The following TANGO6 variants were observed in gnomAD, a reference collection of about 807,000 sequenced individuals.
The protein encoded by TANGO6 is transport and Golgi organization protein 6 homolog.
A neutral mutation model predicts 114.2 loss-of-function variants in TANGO6; 90 were observed. The observed-to-expected ratio is 0.79, with a 90% CI of 0.66 to 0.94. The LOEUF is 0.94. Ranked by LOEUF, TANGO6 falls within the 40% of genes least tolerant of loss-of-function variation. The pLI is 0.00. For synonymous variants in TANGO6, 477 were observed against 509.8 expected (o/e 0.94, Z 0.87); for missense variants, 1,274 against 1,315.3 (o/e 0.97, Z 0.49).
intron 14 of TANGO6, among the ~76,000 whole-genome samples, chr16:68,956,112 C>T (rs1352478416): frequency 6.6e-5 from 10 of 152,102 alleles, no homozygotes; most frequent in Admixed American, 5.9e-4. Context: ...GATTGCACCA[C>T]TGCACTCCAG....
At chr16:68,928,534 T>C (rs1012900883) in intron 13 of TANGO6, among the ~76,000 whole-genome samples, 12 of 151,976 alleles carry the variant, frequency 7.9e-5, no homozygotes, top group Non-Finnish European at 1.8e-4. Flanking sequence ...TCTCCTGACC[T>C]CGTGATCCAC....
chr16:68,941,423 G>A (rs936404787), intron 14 of TANGO6, among the ~76,000 whole-genome samples: 1 of 151,666 alleles, frequency 6.6e-6, no homozygotes, highest in African/African-American at 2.4e-5. Context: ...TTAGAGTCTT[G>A]GAAATTTGTA....
At chr16:69,032,080 T>C (rs576671888) in intron 16 of TANGO6, among the ~76,000 whole-genome samples, 1 of 152,136 alleles carries the variant, frequency 6.6e-6, no homozygotes, top group Admixed American at 6.6e-5. Flanking sequence ...AGGTGCAGGC[T>C]TCACGTGCTG....
intron 1 of TANGO6, among the ~76,000 whole-genome samples, chr16:68,849,143 T>C (rs1223008527): frequency 2.0e-5 from 3 of 152,160 alleles, no homozygotes; most frequent in Non-Finnish European, 4.4e-5. Flanking sequence ...GAGACCAGCT[T>C]GACCAACATG....
chr16:68,993,150 C>G (rs1385268417), intron 15 of TANGO6, among the ~76,000 whole-genome samples: 1 of 152,070 alleles, frequency 6.6e-6, no homozygotes, highest in African/African-American at 2.4e-5. Context: ...TATTGCAGTT[C>G]TTTTCTAAAA....
At chr16:68,943,612 T>C (rs973774051) in intron 14 of TANGO6, among the ~76,000 whole-genome samples, 1 of 151,514 alleles carries the variant, frequency 6.6e-6, no homozygotes, top group African/African-American at 2.4e-5. Context: ...TGATCTGCCC[T>C]CCTTGGCCTC....
intron 4 of TANGO6, among the ~76,000 whole-genome samples, chr16:68,872,717 A>G (rs1962294384): frequency 6.8e-6 from 1 of 147,236 alleles, no homozygotes; most frequent in African/African-American, 2.5e-5. Flanking sequence ...CGGTGGCGCG[A>G]TCTCAGCTCA....
At position 68,844,271 on chromosome 16, in the gene TANGO6, T is replaced by G. The variant is rs1395079185; in HGVS notation, c.94+560T>G. ...CTAAAATCTGAAGGGATATTGGGAG[T>G]GGTTGAAGCTGCTACTCCTTTTGCG... On this transcript the variant is annotated intron_variant, in intron 1 of 17. Coordinates refer to ENST00000261778, the MANE Select transcript of TANGO6 (RefSeq NM_024562.2). 1.6e-4 allele frequency among the ~76,000 whole-genome samples: 24 copies of G among 151,780 alleles called. 1 individual carries two copies. The highest frequency in any genetic ancestry group is 1.6e-3 in the Admixed American group (24 of 15,212).
chr16:69,022,035 G>A (rs969586609), intron 15 of TANGO6, among the ~76,000 whole-genome samples: 17 of 151,520 alleles, frequency 1.1e-4, no homozygotes, highest in African/African-American at 7.3e-5. Context: ...ACAGGCGCCC[G>A]CCACCACGCC....
At chr16:69,056,208 T>A (rs1055803709) in intron 17 of TANGO6, among the ~76,000 whole-genome samples, 1 of 152,156 alleles carries the variant, frequency 6.6e-6, no homozygotes, top group Non-Finnish European at 1.5e-5. Context: ...TTCTGCAAAA[T>A]CATTTACATA....
At chr16:68,876,118 TAC>T (rs1273361010) in intron 5 of TANGO6, among the ~76,000 whole-genome samples, 2 of 152,164 alleles carry the variant, frequency 1.3e-5, no homozygotes, top group Non-Finnish European at 2.9e-5. Flanking sequence ...TGTATGTGCA[TAC>T]ACACATACAT....
chr16:68,863,174 C>A (rs770203004), intron 3 of TANGO6, 113 bp downstream of exon 3: 6 of 578,258 alleles, frequency 1.0e-5, no homozygotes, highest in African/African-American at 3.8e-5. Context: ...TCTAGTTGAG[C>A]CTTTTTTCAT....
intron 14 of TANGO6, among the ~76,000 whole-genome samples, chr16:68,973,654 T>A (rs1358593002): frequency 6.6e-6 from 1 of 152,240 alleles, no homozygotes; most frequent in Non-Finnish European, 1.5e-5. Flanking sequence ...ATATTGATCA[T>A]GTCCAGGATG....
At chr16:68,950,808 G>C (rs1490838101) in intron 14 of TANGO6, among the ~76,000 whole-genome samples, 3 of 152,088 alleles carry the variant, frequency 2.0e-5, no homozygotes, top group African/African-American at 7.2e-5. Context: ...GCAGTGAGCT[G>C]ATGTGGCACC....
At chr16:68,872,761 A>G (rs747899546) in intron 4 of TANGO6, among the ~76,000 whole-genome samples, 2 of 150,806 alleles carry the variant, frequency 1.3e-5, no homozygotes. Context: ...CAGTGGCGCG[A>G]TCTCGGCTCA....
chr16:68,954,458 C>G (rs918793116), intron 14 of TANGO6, among the ~76,000 whole-genome samples: 2 of 152,064 alleles, frequency 1.3e-5, no homozygotes, highest in African/African-American at 4.8e-5. Flanking sequence ...CCTTTTCTCT[C>G]TTTCATCAAG....
intron 14 of TANGO6, among the ~76,000 whole-genome samples, chr16:68,936,051 G>A (rs1211062247): frequency 6.6e-6 from 1 of 152,064 alleles, no homozygotes; most frequent in African/African-American, 2.4e-5. Context: ...AGGTGTGCTG[G>A]TGTGCACCTG....
chr16:69,034,842 C>T (rs1482038951), intron 16 of TANGO6: 3 of 151,220 alleles, frequency 2.0e-5, no homozygotes, highest in Non-Finnish European at 2.9e-5. Flanking sequence ...AAGAATTAAC[C>T]TGTAGATAAC....
rs74025368 is a variant in TANGO6, at chr16:69,084,191, G to A, written c.*530G>A. On this transcript the variant is annotated 3_prime_UTR_variant, in exon 18 of 18. Transcript: ENST00000261778. ...AATAGTTATCAAATAATGCAAAATG[G>A]AATAAAGTTATCTTGGATGGAAAGA... is the stretch of plus-strand genomic sequence containing the variant. 6.6e-6 allele frequency: 1 copy of A among 152,530 alleles called. No individual in the cohort carries two copies. Among genetic ancestry groups the A allele is most frequent in the African/African-American group, 2.4e-5 (1 of 41,460 alleles). 9.4% of individuals were successfully genotyped at this position (152,530 alleles called of 1,614,324 possible).
Sources: gnomAD v4.1 joint callset for allele counts (sites outside exome capture counted in the v4.1 genomes callset) on GRCh38, gnomAD v4.1.1 for gene constraint, MANE v1.5 for transcripts, NCBI Gene and HGNC (gene_info 2026-07-23, HGNC 2026-07-21) for gene names.